Variants in VWC2 observed in about 807,000 individuals in gnomAD.
VWC2 encodes von Willebrand factor C domain containing 2, also known as brorin.
A neutral mutation model predicts 29.8 loss-of-function variants in VWC2; 14 were observed. That is an observed-to-expected ratio of 0.47 (90% CI 0.31 to 0.74). The LOEUF is 0.74. VWC2 is among the 30% of genes least tolerant of loss of function. The probability of loss-of-function intolerance (pLI) is 0.05; values close to 1 mark genes in which losing one functional copy is unlikely to be tolerated. For missense variants in VWC2, 457 were observed against 459.8 expected (o/e 0.99, Z 0.05); for synonymous variants, 213 against 199.0 (o/e 1.07, Z -0.59).
chr7:49,837,700 C>T (rs1292646418), intron 3 of VWC2, among the ~76,000 whole-genome samples: 1 of 152,084 alleles, frequency 6.6e-6, no homozygotes, highest in Admixed American at 6.5e-5. Flanking sequence ...GGTTATGCCT[C>T]CAAATGCTTT....
intron 2 of VWC2, among the ~76,000 whole-genome samples, chr7:49,789,126 T>G (rs982908261): frequency 1.4e-5 from 2 of 144,814 alleles, no homozygotes; most frequent in African/African-American, 5.2e-5. Context: ...GTGTAGTGTG[T>G]GTGTGAATGG....
chr7:49,858,068 C>T (rs1319964667), intron 3 of VWC2, among the ~76,000 whole-genome samples: 1 of 152,186 alleles, frequency 6.6e-6, no homozygotes, highest in Admixed American at 6.5e-5. Context: ...TGAGGAATCA[C>T]CACACTGACT....
intron 3 of VWC2, among the ~76,000 whole-genome samples, chr7:49,880,400 G>A (rs887440536): frequency 6.6e-6 from 1 of 151,770 alleles, no homozygotes; most frequent in East Asian, 1.9e-4. Context: ...TACCATGTTT[G>A]TTAGGCATTT....
At chr7:49,858,270 G>T (rs961562290) in intron 3 of VWC2, among the ~76,000 whole-genome samples, 1 of 151,966 alleles carries the variant, frequency 6.6e-6, no homozygotes, top group African/African-American at 2.4e-5. Context: ...GTTTATTGTG[G>T]CACTATTCAC....
At chr7:49,886,692 T>C (rs114985970) in intron 3 of VWC2, among the ~76,000 whole-genome samples, 2,133 of 152,270 alleles carry the variant, frequency 0.014, 36 homozygotes, top group African/African-American at 0.048. Flanking sequence ...TACAGATTAT[T>C]TTGTCACCTA....
At chr7:49,792,386 C>T (rs1788480590) in intron 2 of VWC2, among the ~76,000 whole-genome samples, 1 of 152,224 alleles carries the variant, frequency 6.6e-6, no homozygotes, top group African/African-American at 2.4e-5. Flanking sequence ...CTTGATTATC[C>T]TCTCCCGCTG....
chr7:49,788,564 TGA>T (rs1213300291), intron 2 of VWC2, among the ~76,000 whole-genome samples: 5 of 141,800 alleles, frequency 3.5e-5, no homozygotes, highest in African/African-American at 8.9e-5. Context: ...TGAGAGTGTG[TGA>T]GTGTGGGCAT....
chr7:49,860,993 G>C (rs1790629057), intron 3 of VWC2, among the ~76,000 whole-genome samples: 1 of 152,210 alleles, frequency 6.6e-6, no homozygotes, highest in Non-Finnish European at 1.5e-5. Context: ...AAACCAGTCT[G>C]TGGTATTTTA....
At chr7:49,868,561 G>A (rs1283498072) in intron 3 of VWC2, among the ~76,000 whole-genome samples, 5 of 152,180 alleles carry the variant, frequency 3.3e-5, no homozygotes. Context: ...CTACATGTAT[G>A]TTTAACTTTT....
intron 3 of VWC2, among the ~76,000 whole-genome samples, chr7:49,852,407 C>T (rs567293999): frequency 1.2e-4 from 19 of 152,232 alleles, no homozygotes; most frequent in Non-Finnish European, 2.5e-4. Flanking sequence ...ATCTCCTTAA[C>T]AAGGTGACCG....
In VWC2 at chr7:49,848,076, C is replaced by T. The variant is rs117560724; in HGVS notation, c.826+45236C>T. Among the ~76,000 whole-genome samples the T allele has an allele frequency of 1.4e-4, 21 of 152,288 alleles. 1 individual carries two copies. In the East Asian group the frequency reaches 3.7e-3, roughly 27 times the overall value. The stretch of plus-strand genomic sequence containing the variant: ...GTCGGAAGCTTCTACAGGTCTCAGT[C>T]GCTAATTAGATCTGTCTCTGGGAGA... On this transcript the variant is annotated intron_variant, in intron 3 of 3. Coordinates refer to ENST00000340652, the MANE Select transcript of VWC2 (RefSeq NM_198570.5).
At chr7:49,897,053 G>A (rs960353560) in intron 3 of VWC2, among the ~76,000 whole-genome samples, 21 of 151,872 alleles carry the variant, frequency 1.4e-4, no homozygotes, top group Non-Finnish European at 2.8e-4. Flanking sequence ...CCGCCACCTC[G>A]CCCGGCTAAT....
intron 3 of VWC2, among the ~76,000 whole-genome samples, chr7:49,896,988 C>T (rs1299963641): frequency 1.4e-4 from 21 of 149,556 alleles, no homozygotes; most frequent in Admixed American, 6.1e-4. Context: ...CTCCGCTTCC[C>T]GGGTTCACGC....
intron 3 of VWC2, among the ~76,000 whole-genome samples, chr7:49,909,359 CA>C (rs11336511): frequency 0.77 from 116,335 of 152,028 alleles, 44,696 homozygotes; most frequent in East Asian, 0.89. Flanking sequence ...CAGCTCGAGC[CA>C]AAATATGAGT....
intron 2 of VWC2, among the ~76,000 whole-genome samples, chr7:49,780,160 G>A (rs747415989): frequency 2.0e-5 from 3 of 152,214 alleles, no homozygotes; most frequent in Non-Finnish European, 4.4e-5. Flanking sequence ...TGCTTATGAC[G>A]AAGGCACGGA....
intron 2 of VWC2, among the ~76,000 whole-genome samples, chr7:49,788,738 G>A (rs1788367274): frequency 7.6e-6 from 1 of 130,968 alleles, no homozygotes; most frequent in Non-Finnish European, 1.5e-5. Context: ...GTGTGTGGAT[G>A]TGTGTGTGGA....
intron 3 of VWC2, among the ~76,000 whole-genome samples, chr7:49,894,094 A>G (rs1792262095): frequency 6.6e-6 from 1 of 151,894 alleles, no homozygotes; most frequent in Non-Finnish European, 1.5e-5. Flanking sequence ...TGTCGTTTCT[A>G]GGCTTTTTCT....
At chr7:49,780,730 G>T (rs1288686036) in intron 2 of VWC2, among the ~76,000 whole-genome samples, 2 of 152,130 alleles carry the variant, frequency 1.3e-5, no homozygotes, top group African/African-American at 2.4e-5. Context: ...TTATTAATAA[G>T]TGAAGCTTAC....
intron 3 of VWC2, among the ~76,000 whole-genome samples, chr7:49,859,589 T>C (rs1443419994): frequency 6.6e-6 from 1 of 152,244 alleles, no homozygotes; most frequent in Admixed American, 6.5e-5. Flanking sequence ...TATGTGTGCA[T>C]TGACGTCTGG....
Sources: gnomAD v4.1 joint callset for allele counts (sites outside exome capture counted in the v4.1 genomes callset) on GRCh38, gnomAD v4.1.1 for gene constraint, MANE v1.5 for transcripts, NCBI Gene and HGNC (gene_info 2026-07-23, HGNC 2026-07-21) for gene names.